Variants in KCTD1 observed in about 807,000 individuals in gnomAD.
The protein encoded by KCTD1 is BTB/POZ domain-containing protein KCTD1.
In KCTD1, 24 loss-of-function variants were observed where a neutral mutation model predicts 66.0. The ratio of observed to expected loss-of-function variants is 0.36; its 90% CI spans 0.26 to 0.51. KCTD1 has a LOEUF of 0.51. Among genes scored for constraint, KCTD1 ranks in the 20% least tolerant of loss-of-function variants. KCTD1 has a pLI of 0.95. For missense variants in KCTD1, 943 were observed against 1,205.2 expected (o/e 0.78, Z 3.22); for synonymous variants, 511 against 517.2 (o/e 0.99, Z 0.16).
At chr18:26,515,203 G>A (rs562878893) in intron 1 of KCTD1, among the ~76,000 whole-genome samples, 42 of 152,274 alleles carry the variant, frequency 2.8e-4, no homozygotes, top group Middle Eastern at 3.4e-3. Flanking sequence ...TTCAGATAGC[G>A]CCTTATGCAT....
At chr18:26,560,905 G>A (rs1985831865) in intron 1 of KCTD1, among the ~76,000 whole-genome samples, 1 of 152,208 alleles carries the variant, frequency 6.6e-6, no homozygotes, top group South Asian at 2.1e-4. Context: ...TTTCAACGCA[G>A]TAAATCATTT....
rs539246279 is a variant in KCTD1, at chr18:26,520,012, C to T, written c.1810-18762G>A. On this transcript the variant is annotated intron_variant, in intron 1 of 4. Coordinates refer to ENST00000580059, the MANE Select transcript of KCTD1 (RefSeq NM_001142730.3). ...CTGTTCTAATTAGCATGAATATGTC[C>T]TCAATGTCAAATCTCACAATACACT... Among the ~76,000 whole-genome samples, 4 of 152,276 alleles carry T rather than the reference C, an allele frequency of 2.6e-5. No homozygotes were observed. The East Asian group carries it at 7.7e-4, about 29-fold the overall frequency.
At chr18:26,521,285 C>G (rs1555638214) in intron 1 of KCTD1, among the ~76,000 whole-genome samples, 1 of 152,218 alleles carries the variant, frequency 6.6e-6, no homozygotes, top group Non-Finnish European at 1.5e-5. Flanking sequence ...CTTGACATCA[C>G]TATCTCATTT....
At chr18:26,577,064 T>C (rs556702859) in intron 1 of KCTD1, among the ~76,000 whole-genome samples, 17 of 152,326 alleles carry the variant, frequency 1.1e-4, no homozygotes, top group Non-Finnish European at 1.6e-4. Flanking sequence ...GTTGAAGAAT[T>C]TAGTGGTTTA....
intron 1 of KCTD1, among the ~76,000 whole-genome samples, chr18:26,610,977 C>T (rs1987125601): frequency 6.6e-6 from 1 of 151,974 alleles, no homozygotes; most frequent in Non-Finnish European, 1.5e-5. Flanking sequence ...AATCTTGGAT[C>T]TGTGGGTTTA....
intron 2 of KCTD1, among the ~76,000 whole-genome samples, chr18:26,487,203 G>A (rs569025858): frequency 3.9e-5 from 6 of 152,246 alleles, no homozygotes; most frequent in Admixed American, 2.6e-4. Flanking sequence ...TTATTCTGTC[G>A]TTTATGATGT....
At chr18:26,565,884 T>C (rs2144887294) in intron 1 of KCTD1, 1 of 152,342 alleles carries the variant, frequency 6.6e-6, no homozygotes, top group East Asian at 1.9e-4. Flanking sequence ...TGTGGGAATT[T>C]TCCATTCAGA....
chr18:26,525,884 G>T (rs1984135521), intron 1 of KCTD1, among the ~76,000 whole-genome samples: 1 of 152,046 alleles, frequency 6.6e-6, no homozygotes, highest in African/African-American at 2.4e-5. Flanking sequence ...ACTGTGCTCA[G>T]CATATTTTCT....
intron 1 of KCTD1, chr18:26,545,480 C>A (rs1007805262): frequency 4.6e-5 from 7 of 152,258 alleles, no homozygotes; most frequent in African/African-American, 1.7e-4. Flanking sequence ...GAGGCTTGCC[C>A]ATTAGCTGGT....
intron 1 of KCTD1, among the ~76,000 whole-genome samples, chr18:26,558,422 G>A (rs1186341594): frequency 6.6e-6 from 1 of 152,108 alleles, no homozygotes; most frequent in Non-Finnish European, 1.5e-5. Context: ...TAAAAATAGA[G>A]CTTCCATACA....
chr18:26,629,762 G>C (rs986534924), upstream of KCTD1, among the ~76,000 whole-genome samples: 7 of 147,520 alleles, frequency 4.7e-5, no homozygotes, highest in Non-Finnish European at 8.9e-5. Flanking sequence ...CTGTTGCCCA[G>C]GCTGGAGTGC....
intron 1 of KCTD1, among the ~76,000 whole-genome samples, chr18:26,504,548 C>T (rs556255523): frequency 5.6e-4 from 85 of 151,894 alleles, no homozygotes; most frequent in African/African-American, 1.9e-3. Flanking sequence ...TTATTTTTAA[C>T]GTTTTTAGAG....
At chr18:26,534,137 ATTCAT>A (rs756492944) in intron 1 of KCTD1, among the ~76,000 whole-genome samples, 2 of 152,102 alleles carry the variant, frequency 1.3e-5, no homozygotes, top group Non-Finnish European at 2.9e-5. Flanking sequence ...CACACTTGTA[ATTCAT>A]TTCAATTTTT....
At chr18:26,543,597 G>C (rs138852162) in intron 1 of KCTD1, 1 of 152,406 alleles carries the variant, frequency 6.6e-6, no homozygotes, top group East Asian at 1.9e-4. Context: ...CTTGCAGCCT[G>C]CTGCAGTTTC....
rs1401731746 is a variant in KCTD1 at position 26,476,118 on chromosome 18, T to G, written c.2133+397A>C. Among the ~76,000 whole-genome samples the G allele has an allele frequency of 6.6e-6, 1 of 152,210 alleles. No homozygotes were observed. Among genetic ancestry groups the G allele is most frequent in the Non-Finnish European group, 1.5e-5 (1 of 68,034 alleles). On this transcript the variant is annotated intron_variant, in intron 3 of 4. Transcript: ENST00000580059. This position sits in a 1 kb window ranked among gnomAD's most constrained non-coding sequence, Gnocchi z 4.9. ...CGTGACTAACCTTAACACTTATTAC[T>G]AACTGTAAAGGGAAGAATTCTAAAA...
chr18:26,603,213 T>C (rs1188435881), intron 1 of KCTD1, among the ~76,000 whole-genome samples: 1 of 152,032 alleles, frequency 6.6e-6, no homozygotes, highest in African/African-American at 2.4e-5. Context: ...GTGGATTGCT[T>C]GAGTCCAGGA....
intron 1 of KCTD1, among the ~76,000 whole-genome samples, chr18:26,540,684 T>C (rs73944618): frequency 0.019 from 2,900 of 152,310 alleles, 72 homozygotes; most frequent in African/African-American, 0.067. Context: ...CTCTGTCTTA[T>C]GATTTTCTTG....
chr18:26,546,326 TAG>T (rs954362555), intron 1 of KCTD1, among the ~76,000 whole-genome samples: 3 of 152,150 alleles, frequency 2.0e-5, no homozygotes, highest in African/African-American at 7.2e-5. Flanking sequence ...GAATACGTAA[TAG>T]AGTCTTTTAA....
chr18:26,545,186 A>T (rs931283518), intron 1 of KCTD1: 2 of 152,224 alleles, frequency 1.3e-5, no homozygotes, highest in Admixed American at 6.5e-5. Flanking sequence ...GCACGCCTTA[A>T]TAAACTTTCT....
Sources: gnomAD v4.1 joint callset for allele counts (sites outside exome capture counted in the v4.1 genomes callset) on GRCh38, gnomAD v4.1.1 for gene constraint, Gnocchi (gnomAD v3.1) non-coding constraint, MANE v1.5 for transcripts, NCBI Gene and HGNC (gene_info 2026-07-23, HGNC 2026-07-21) for gene names.